Variants in RETREG1 observed in about 807,000 individuals in gnomAD.
RETREG1 encodes reticulophagy regulator 1.
In RETREG1, 44 loss-of-function variants were observed where a neutral mutation model predicts 54.8. The ratio of observed to expected loss-of-function variants is 0.80; its 90% CI spans 0.63 to 1.03. The LOEUF is 1.03. Among genes scored for constraint, RETREG1 ranks in the 50% least tolerant of loss-of-function variants. The pLI, the probability that RETREG1 is intolerant of heterozygous loss-of-function variation, is 0.00. For missense variants in RETREG1, 554 were observed against 605.1 expected (o/e 0.92, Z 0.89); for synonymous variants, 217 against 238.5 (o/e 0.91, Z 0.83).
intron 3 of RETREG1, among the ~76,000 whole-genome samples, chr5:16,489,082 CAAAAAAAAAAAAAAAAAAA>C (rs567475517): frequency 4.9e-4 from 31 of 62,976 alleles, no homozygotes; most frequent in African/African-American, 1.4e-3. Context: ...GATTCTGTCT[CAAAAAAAAAAAAAAAAAAA>C]AAAAAAAAAA....
intron 3 of RETREG1, among the ~76,000 whole-genome samples, chr5:16,556,782 G>A (rs950174451): frequency 6.6e-6 from 1 of 152,084 alleles, no homozygotes; most frequent in African/African-American, 2.4e-5. Flanking sequence ...TCTGAAAAAC[G>A]TATCACCCTC....
chr5:16,577,249 G>A (rs191484768), intron 1 of RETREG1, among the ~76,000 whole-genome samples: 53 of 149,738 alleles, frequency 3.5e-4, no homozygotes, highest in Admixed American at 6.6e-4. Context: ...TAGCCTATAA[G>A]TTGGCACGTG....
chr5:16,528,323 G>C (rs1006188379), intron 3 of RETREG1, among the ~76,000 whole-genome samples: 3 of 152,054 alleles, frequency 2.0e-5, no homozygotes, highest in African/African-American at 7.3e-5. Flanking sequence ...ATTTTACAGA[G>C]ATTACAATTC....
At chr5:16,579,743 C>A (rs902617464) in intron 1 of RETREG1, among the ~76,000 whole-genome samples, 3 of 152,150 alleles carry the variant, frequency 2.0e-5, no homozygotes, top group South Asian at 2.1e-4. Context: ...TTTCATTTAG[C>A]AAAATGCATT....
intron 3 of RETREG1, among the ~76,000 whole-genome samples, chr5:16,497,840 A>G (rs1274276420): frequency 6.6e-6 from 1 of 152,170 alleles, no homozygotes; most frequent in Admixed American, 6.5e-5. Context: ...GCATGAGAGA[A>G]TGAAGTCATC....
intron 2 of RETREG1, among the ~76,000 whole-genome samples, chr5:16,569,930 G>C (rs1742128110): frequency 6.6e-6 from 1 of 152,236 alleles, no homozygotes; most frequent in African/African-American, 2.4e-5. Flanking sequence ...GCAAGCCATG[G>C]AATGCCCGCA....
intron 3 of RETREG1, among the ~76,000 whole-genome samples, chr5:16,499,656 T>C (rs1739621073): frequency 6.6e-6 from 1 of 152,222 alleles, no homozygotes; most frequent in African/African-American, 2.4e-5. Flanking sequence ...AAGGCGGCCA[T>C]TCCTGATGGT....
At chr5:16,485,194 A>G (rs1738967678) in intron 3 of RETREG1, among the ~76,000 whole-genome samples, 1 of 152,192 alleles carries the variant, frequency 6.6e-6, no homozygotes, top group African/African-American at 2.4e-5. Context: ...AGGCTAAGCT[A>G]CTGTTCAGTT....
chr5:16,584,315 A>G (rs2126328668), intron 1 of RETREG1, among the ~76,000 whole-genome samples: 1 of 152,324 alleles, frequency 6.6e-6, no homozygotes, highest in East Asian at 1.9e-4. Flanking sequence ...TTACACAGAA[A>G]ATCAGAATCA....
intron 3 of RETREG1, among the ~76,000 whole-genome samples, chr5:16,524,448 C>T (rs80141864): frequency 2.0e-5 from 3 of 152,146 alleles, no homozygotes; most frequent in Non-Finnish European, 4.4e-5. Context: ...TAGAGGAAGT[C>T]CAAGGTTTAA....
chr5:16,520,521 G>T (rs1259209378), intron 3 of RETREG1, among the ~76,000 whole-genome samples: 1 of 151,754 alleles, frequency 6.6e-6, no homozygotes, highest in African/African-American at 2.4e-5. Flanking sequence ...GTAGAGACAG[G>T]GTTTCTCCAT....
At chr5:16,616,567 C>T in intron 1 of RETREG1, 85 bp downstream of exon 1, 1 of 1,523,044 alleles carries the variant, frequency 6.6e-7, no homozygotes, top group African/African-American at 1.4e-5. Flanking sequence ...GTCCCGCGGG[C>T]TCCCCCTGCA....
At position 16,581,526 on chromosome 5, in the gene RETREG1, AACACACACACACACACACACACACAC is replaced by A. The variant is rs3993834; in HGVS notation, c.321-9450_321-9425del. On this transcript the variant is annotated intron_variant, in intron 1 of 8. Coordinates refer to ENST00000306320, the MANE Select transcript of RETREG1 (RefSeq NM_001034850.3). ...AAATACTTTTTAAGTTCAGAAACAC[AACACACACACACACACACACACACAC>A]ACACACACACACAAAACACACACAC... 5.0e-3 allele frequency among the ~76,000 whole-genome samples: 722 copies of A among 143,730 alleles called. 2 individuals carry two copies. Among genetic ancestry groups the A allele is most frequent in the Non-Finnish European group, 7.4e-3 (499 of 67,462 alleles). The allele number at this position is 143,730 out of a possible 152,430, so 94.3% of individuals were successfully genotyped here.
chr5:16,567,516 A>C (rs1561123279), intron 2 of RETREG1, among the ~76,000 whole-genome samples: 1 of 152,200 alleles, frequency 6.6e-6, no homozygotes, highest in Non-Finnish European at 1.5e-5. Flanking sequence ...TGCTGAGGCC[A>C]GGCATCAATG....
intron 3 of RETREG1, among the ~76,000 whole-genome samples, chr5:16,517,201 A>AAT (rs1740388118): frequency 7.9e-5 from 12 of 152,078 alleles, no homozygotes; most frequent in South Asian, 2.1e-4. Context: ...GGAGTCTTGG[A>AAT]GAAGAGGCAG....
chr5:16,545,888 TCTC>T (rs1050857769), intron 3 of RETREG1, among the ~76,000 whole-genome samples: 3 of 152,088 alleles, frequency 2.0e-5, no homozygotes, highest in African/African-American at 7.2e-5. Context: ...CCAGGATGCT[TCTC>T]CTCCAGGGCA....
At chr5:16,588,122 T>G (rs1297751663) in intron 1 of RETREG1, among the ~76,000 whole-genome samples, 1 of 152,174 alleles carries the variant, frequency 6.6e-6, no homozygotes. Context: ...CTGTATTACT[T>G]TGCAAGAACA....
At chr5:16,509,030 T>TC (rs958763774) in intron 3 of RETREG1, 3 of 970,174 alleles carry the variant, frequency 3.1e-6, no homozygotes, top group African/African-American at 3.9e-5. Flanking sequence ...CCCTTTTTCT[T>TC]CCCCCGGCTT....
chr5:16,519,990 C>T (rs927539731), intron 3 of RETREG1, among the ~76,000 whole-genome samples: 37 of 152,282 alleles, frequency 2.4e-4, no homozygotes, highest in Middle Eastern at 3.4e-3. Context: ...CCACCCCTAC[C>T]GCCTGACCCT....
Sources: gnomAD v4.1 joint callset for allele counts (sites outside exome capture counted in the v4.1 genomes callset) on GRCh38, gnomAD v4.1.1 for gene constraint, MANE v1.5 for transcripts, NCBI Gene and HGNC (gene_info 2026-07-23, HGNC 2026-07-21) for gene names.